Variants in IL7 observed in about 807,000 individuals in gnomAD.
IL7 encodes interleukin 7.
In IL7, 3 loss-of-function variants were observed where a neutral mutation model predicts 21.6. That is an observed-to-expected ratio of 0.14 (90% CI 0.06 to 0.36). IL7 has a LOEUF of 0.36. IL7 is among the 10% of genes least tolerant of loss of function. The pLI is 1.00. For synonymous variants in IL7, 62 were observed against 68.1 expected, an observed-to-expected ratio of 0.91 and a Z score of 0.44; for missense variants, 175 against 200.2, an observed-to-expected ratio of 0.87 and a Z score of 0.76.
rs578014309 is a variant in IL7, at chr8:78,787,015, G to T, written c.147+11057C>A. Reference sequence around the variant, plus strand: ...GCTGAACATGTGGAGGTATTTGGAGGGTGGCATGCCCAGAGAAGGCAAGAA... The same window carrying T: ...GCTGAACATGTGGAGGTATTTGGAGTGTGGCATGCCCAGAGAAGGCAAGAA... On this transcript the variant is annotated intron_variant, in intron 2 of 5. Transcript: ENST00000263851. Among the ~76,000 whole-genome samples, 16 of 152,320 alleles carry T rather than the reference G, an allele frequency of 1.1e-4. No individual in the cohort carries two copies. The South Asian group carries it at 3.3e-3, about 32-fold the overall frequency.
rs952259358 is a variant in IL7, at chr8:78,733,589, C to T, written c.*124G>A. On this transcript the variant is annotated 3_prime_UTR_variant, in exon 6 of 6. Transcript: ENST00000263851. ...TATGCATTTCTCAAATGCCCTAATC[C>T]GTTTTGACCATGGTGCATTCAGTAA... 1.3e-5 allele frequency: 12 copies of T among 954,590 alleles called. No individual in the cohort carries two copies. Among genetic ancestry groups the T allele is most frequent in the African/African-American group, 5.2e-5 (3 of 57,816 alleles). 59.1% of individuals were successfully genotyped at this position (954,590 alleles called of 1,614,324 possible). A position where few individuals can be genotyped will look rare whatever the true frequency, so the allele number is the denominator to read the frequency against.
Position 78,805,277 on chromosome 8 carries a change from C to G in IL7, c.-355G>C. The G allele has an allele frequency of 9.4e-6, 2 of 212,386 alleles. No individual in the cohort carries two copies. The highest frequency in any genetic ancestry group is 1.9e-5 in the Non-Finnish European group (2 of 107,356). The allele number at this position is 212,386 out of a possible 1,614,324, so 13.2% of individuals were successfully genotyped here. The stretch of plus-strand genomic sequence containing the variant: ...CCCTCTCTCCTGGGCACCTGCTTCC[C>G]GCGCACCTGGATGAGGACCAGAGGA... On this transcript the variant is annotated 5_prime_UTR_variant, in exon 1 of 6. Transcript: ENST00000263851.
rs41308463 is a variant in IL7, at chr8:78,760,570, A to T, written c.148-20488T>A. On this transcript the variant is annotated intron_variant, in intron 2 of 5. Transcript: ENST00000263851. Reference sequence around the variant, plus strand: ...ACATGTCAGCATGGTGTTCCTCCAAAGTATTGAATTTGAGTTGTCCCATGA... The same window carrying T: ...ACATGTCAGCATGGTGTTCCTCCAATGTATTGAATTTGAGTTGTCCCATGA... 1.8e-5 allele frequency: 28 copies of T among 1,546,370 alleles called. No individual in the cohort carries two copies. The African/African-American group carries it at 3.8e-4, about 21-fold the overall frequency.
At chr8:78,784,140 T>G (rs1016829115) in intron 2 of IL7, among the ~76,000 whole-genome samples, 8 of 152,202 alleles carry the variant, frequency 5.3e-5, no homozygotes, top group Non-Finnish European at 1.2e-4. Context: ...CGTTAGAAAG[T>G]GAGGCCTTCG....
chr8:78,686,663 G>T, intron 3 of IL7: 1 of 1,395,876 alleles, frequency 7.2e-7, no homozygotes, highest in Non-Finnish European at 9.4e-7. Context: ...TAATGATAGA[G>T]TTTTTATAAA....
chr8:78,760,091 G>A (rs1051828797), intron 2 of IL7: 38 of 1,469,728 alleles, frequency 2.6e-5, no homozygotes, highest in South Asian at 2.9e-5. Flanking sequence ...TACACCTTAC[G>A]GCTTTTACTT....
intron 2 of IL7, among the ~76,000 whole-genome samples, chr8:78,774,661 T>C (rs750897849): frequency 1.3e-5 from 2 of 152,022 alleles, no homozygotes; most frequent in African/African-American, 2.4e-5. Flanking sequence ...CTGTGGTACA[T>C]AAAACAATGG....
At chr8:78,792,609 G>T (rs1349720995) in intron 2 of IL7, among the ~76,000 whole-genome samples, 2 of 152,140 alleles carry the variant, frequency 1.3e-5, no homozygotes, top group Non-Finnish European at 2.9e-5. Flanking sequence ...GTGGGTGAAA[G>T]ATTTGAATAA....
At chr8:78,695,356 A>G (rs984364990) in intron 3 of IL7, among the ~76,000 whole-genome samples, 5 of 152,314 alleles carry the variant, frequency 3.3e-5, no homozygotes, top group Non-Finnish European at 5.9e-5. Flanking sequence ...TTCCTATTAT[A>G]TACATAAAAA....
chr8:78,767,363 T>C (rs990446788), intron 2 of IL7, among the ~76,000 whole-genome samples: 4 of 152,012 alleles, frequency 2.6e-5, no homozygotes, highest in Non-Finnish European at 4.4e-5. Context: ...TCTATTTCTT[T>C]TTGTTCCTTT....
At chr8:78,780,442 A>G (rs1457587992) in intron 2 of IL7, among the ~76,000 whole-genome samples, 1 of 152,110 alleles carries the variant, frequency 6.6e-6, no homozygotes, top group East Asian at 1.9e-4. Flanking sequence ...CTTTGTTTTC[A>G]TTGATTTCAA....
intron 4 of IL7, among the ~76,000 whole-genome samples, chr8:78,738,124 G>T (rs1007245062): frequency 5.3e-5 from 8 of 152,074 alleles, no homozygotes; most frequent in African/African-American, 1.7e-4. Context: ...AAATACATTT[G>T]ATTTCCTGTT....
chr8:78,746,935 A>AT (rs1811997986), intron 2 of IL7: 4 of 405,196 alleles, frequency 9.9e-6, no homozygotes, highest in East Asian at 7.5e-5. Context: ...TTTCTTCTGA[A>AT]TTTTTTTCAT....
In IL7 at chr8:78,770,714, C is replaced by T. The variant is rs150808144; in HGVS notation, c.147+27358G>A. ...ACACACACACACATACACACGCACA[C>T]GCACACAAGTGAGATAGGTAGGAAG... On this transcript the variant is annotated intron_variant, in intron 2 of 5. Transcript: ENST00000263851. Among the ~76,000 whole-genome samples, 1,346 of 152,022 alleles carry T rather than the reference C, an allele frequency of 8.9e-3. 14 individuals are homozygous for T. The highest frequency in any genetic ancestry group is 0.03 in the African/African-American group (1,258 of 41,496).
At chr8:78,739,719 GAA>G (rs997849524) in intron 3 of IL7, among the ~76,000 whole-genome samples, 14 of 151,040 alleles carry the variant, frequency 9.3e-5, no homozygotes, top group Non-Finnish European at 1.9e-4. Context: ...AAGAAAGAAA[GAA>G]AGAAAATAAG....
chr8:78,798,528 T>C (rs560751163), intron 1 of IL7, among the ~76,000 whole-genome samples: 1 of 152,196 alleles, frequency 6.6e-6, no homozygotes, highest in East Asian at 1.9e-4. Flanking sequence ...AACATCCCCA[T>C]AAGAAAAGGC....
Position 78,747,528 on chromosome 8 carries a change from T to C in IL7, c.148-7446A>G, listed in dbSNP as rs1812024381. On this transcript the variant is annotated intron_variant, in intron 2 of 5. Coordinates refer to ENST00000263851, the MANE Select transcript of IL7 (RefSeq NM_000880.4). The stretch of plus-strand genomic sequence containing the variant: ...GGGCCTTTTAAAATGCGCTGCTTAT[T>C]TTTTAGAAAATCTACTCTGTATGAA... 2.0e-5 allele frequency among the ~76,000 whole-genome samples: 3 copies of C among 152,230 alleles called. No individual in the cohort carries two copies. In the South Asian group the frequency reaches 6.2e-4, roughly 32 times the overall value.
chr8:78,691,849 G>A (rs1810223171), intron 3 of IL7, among the ~76,000 whole-genome samples: 1 of 151,986 alleles, frequency 6.6e-6, no homozygotes, highest in African/African-American at 2.4e-5. Context: ...AGGCCTATCA[G>A]TACTCTTGAT....
intron 3 of IL7, among the ~76,000 whole-genome samples, chr8:78,696,592 T>G (rs891118383): frequency 6.6e-6 from 1 of 152,112 alleles, no homozygotes; most frequent in East Asian, 1.9e-4. Flanking sequence ...TAAAATAAAA[T>G]TAATAAAGAT....
Sources: allele counts gnomAD v4.1 joint callset (sites outside exome capture counted in the v4.1 genomes callset), GRCh38; gene constraint gnomAD v4.1.1; transcripts MANE v1.5; gene names NCBI Gene and HGNC (gene_info 2026-07-23, HGNC 2026-07-21).